Variants in MGAT5B observed in about 807,000 individuals in gnomAD.
MGAT5B encodes the protein N-acetylglucosaminyl-transferase Vb.
A neutral mutation model predicts 95.1 loss-of-function variants in MGAT5B; 54 were observed. The observed-to-expected ratio is 0.57, with a 90% CI of 0.46 to 0.71. The LOEUF is 0.71. Among genes scored for constraint, MGAT5B ranks in the 30% least tolerant of loss-of-function variants. The probability of loss-of-function intolerance (pLI) is 0.00; values close to 1 mark genes in which losing one functional copy is unlikely to be tolerated. For synonymous variants in MGAT5B, 464 were observed against 451.0 expected, an observed-to-expected ratio of 1.03 and a Z score of -0.36; for missense variants, 935 against 1,088.6, an observed-to-expected ratio of 0.86 and a Z score of 1.99.
At position 76,936,903 on chromosome 17, in the gene MGAT5B, T is replaced by C. The variant is rs752047395; in HGVS notation, c.1429-1085T>C. 2.0e-5 allele frequency among the ~76,000 whole-genome samples: 3 copies of C among 152,364 alleles called. No homozygotes were observed. In the East Asian group the frequency reaches 5.8e-4, roughly 29 times the overall value. ...CTGCTAACTGTGTTCTTTTTCAAAG[T>C]TGTTTTGTCTATTCTAGGTTCTTTG... On this transcript the variant is annotated intron_variant, in intron 12 of 17. Transcript: ENST00000569840.
intron 3 of MGAT5B, among the ~76,000 whole-genome samples, chr17:76,899,599 T>G (rs1968231528): frequency 6.6e-6 from 1 of 152,220 alleles, no homozygotes. Context: ...ATTGCGCCAC[T>G]GCACTCCAGC....
rs1967784645 is a variant in MGAT5B at position 76,889,334 on chromosome 17, G to A, written c.329+7036G>A. 6.6e-6 allele frequency among the ~76,000 whole-genome samples: 1 copy of A among 152,128 alleles called. No individual in the cohort carries two copies. Among genetic ancestry groups the A allele is most frequent in the Non-Finnish European group, 1.5e-5 (1 of 68,018 alleles). On this transcript the variant is annotated intron_variant, in intron 3 of 17. Coordinates refer to ENST00000569840, the MANE Select transcript of MGAT5B (RefSeq NM_001199172.2). This position sits in a 1 kb window ranked among gnomAD's most constrained non-coding sequence, Gnocchi z 4.4. The stretch of plus-strand genomic sequence containing the variant: ...AGCCCACGGGAGGTCACTGTGATGG[G>A]TTTGGGCCCACCAAGGGGTGGCTCC...
chr17:76,892,514 C>T (rs1967911015), intron 3 of MGAT5B, among the ~76,000 whole-genome samples: 1 of 152,216 alleles, frequency 6.6e-6, no homozygotes, highest in South Asian at 2.1e-4. Context: ...GGCACTGGCA[C>T]AGAACATTTG....
In MGAT5B at chr17:76,905,391, C is replaced by T; in HGVS notation, c.855+58C>T. 6 of 1,423,696 alleles carry T rather than the reference C, an allele frequency of 4.2e-6. No individual in the cohort carries two copies. Among genetic ancestry groups the T allele is most frequent in the Non-Finnish European group, 4.7e-6 (5 of 1,058,506 alleles). The allele number at this position is 1,423,696 out of a possible 1,614,324, so 88.2% of individuals were successfully genotyped here. Reference sequence around the variant, plus strand: ...CTGAGAAAGCTCAGGGCCCCCACTTCTGAGTGGGCATGGAATAGGTCTTCA... The same window carrying T: ...CTGAGAAAGCTCAGGGCCCCCACTTTTGAGTGGGCATGGAATAGGTCTTCA... On this transcript the variant is annotated intron_variant, in intron 7 of 17. Transcript: ENST00000569840. The surrounding 1 kb of genome is among the most constrained non-coding windows in gnomAD (Gnocchi z 4.2).
chr17:76,914,049 C>T lies in MGAT5B; in HGVS notation c.1025+7862C>T, dbSNP rs565174878. The T allele has an allele frequency of 5.0e-5, 15 of 301,546 alleles. 1 individual carries two copies. Among genetic ancestry groups the T allele is most frequent in the Middle Eastern group, 1.2e-3 (1 of 830 alleles). 18.7% of individuals were successfully genotyped at this position (301,546 alleles called of 1,614,324 possible). A position where few individuals can be genotyped will look rare whatever the true frequency, so the allele number is the denominator to read the frequency against. ...CTGGGAAGTCGAGGCTACAGTCAGC[C>T]GTGATCATGCTACTGCACTCTAGCT... On this transcript the variant is annotated intron_variant, in intron 8 of 17. Transcript: ENST00000569840. This position sits in a 1 kb window ranked among gnomAD's most constrained non-coding sequence, Gnocchi z 5.1.
At chr17:76,884,396 T>G (rs1189725623) in intron 3 of MGAT5B, among the ~76,000 whole-genome samples, 1 of 152,156 alleles carries the variant, frequency 6.6e-6, no homozygotes, top group East Asian at 1.9e-4. Context: ...TATATGTGGT[T>G]TGGTTTTTGT....
chr17:76,892,674 C>T (rs1967917339), intron 3 of MGAT5B, among the ~76,000 whole-genome samples: 1 of 152,258 alleles, frequency 6.6e-6, no homozygotes, highest in Non-Finnish European at 1.5e-5. Flanking sequence ...GGGCAGAGCC[C>T]TGGAGACCCG....
chr17:76,903,953 G>A (rs1243446319), intron 5 of MGAT5B, among the ~76,000 whole-genome samples: 1 of 152,240 alleles, frequency 6.6e-6, no homozygotes, highest in African/African-American at 2.4e-5. Flanking sequence ...GGGGACCAGA[G>A]GGAGAGGGAG....
intron 15 of MGAT5B, among the ~76,000 whole-genome samples, chr17:76,945,355 T>C (rs1286141543): frequency 6.6e-6 from 1 of 152,160 alleles, no homozygotes; most frequent in Non-Finnish European, 1.5e-5. Context: ...AATGGTGCAG[T>C]CTCAGCTCAC....
intron 3 of MGAT5B, among the ~76,000 whole-genome samples, chr17:76,898,050 CTG>C (rs1968163735): frequency 8.6e-6 from 1 of 115,662 alleles, no homozygotes; most frequent in South Asian, 3.0e-4. Flanking sequence ...GAGTGAAACT[CTG>C]TCTCAAAAAA....
rs1396549724 is a variant in MGAT5B at position 76,882,239 on chromosome 17, G to T, written c.270G>T (p.Arg90Ser). 1 of 1,613,582 alleles carries T rather than the reference G, an allele frequency of 6.2e-7. No individual in the cohort carries two copies. The highest frequency in any genetic ancestry group is 8.5e-7 in the Non-Finnish European group (1 of 1,179,958). Residue 90 changes from arginine to serine, a missense_variant, in exon 3 of 18, where the codon AGG becomes AGT. Physicochemically the swap from Arg to Ser is moderately radical, Grantham distance 110. This residue lies in a region of MGAT5B where 243 missense variants were observed against 228.2 expected (regional missense o/e 1.06). Transcript: ENST00000569840. ...LMVKRMDALA[R>S]LENSSELHRA... ...TGAAGCGCATGGACGCACTGGCCAG[G>T]CTGGAGAACAGCAGTGAGCTGCACC... is the stretch of plus-strand genomic sequence containing the variant.
At chr17:76,947,211 G>A (rs1189559774) in intron 16 of MGAT5B, among the ~76,000 whole-genome samples, 1 of 152,228 alleles carries the variant, frequency 6.6e-6, no homozygotes, top group Non-Finnish European at 1.5e-5. Context: ...CAGATAGTAC[G>A]TGACCTCCCT....
In MGAT5B at chr17:76,868,936, C is replaced by A. The variant is rs1288968653; in HGVS notation, c.-94C>A. ...GCTTCGCTCGGACGCGGCTTCGGCC[C>A]GCAGAGGGTTCGTGGCCCGGACGCG... On this transcript the variant is annotated 5_prime_UTR_variant, in exon 1 of 18. Coordinates refer to ENST00000569840, the MANE Select transcript of MGAT5B (RefSeq NM_001199172.2). This position sits in a 1 kb window ranked among gnomAD's most constrained non-coding sequence, Gnocchi z 6.3. The A allele has an allele frequency of 4.7e-6, 6 of 1,286,220 alleles. No homozygotes were observed. Among genetic ancestry groups the A allele is most frequent in the Admixed American group, 1.8e-5 (1 of 54,168 alleles). The allele number at this position is 1,286,220 out of a possible 1,614,324, so 79.7% of individuals were successfully genotyped here.
chr17:76,940,530 C>A lies in MGAT5B; in HGVS notation c.1713C>A (p.Gly571=), dbSNP rs1225450573. The A allele has an allele frequency of 1.2e-6, 2 of 1,612,558 alleles. No individual in the cohort carries two copies. Among genetic ancestry groups the A allele is most frequent in the Non-Finnish European group, 1.7e-6 (2 of 1,179,068 alleles). The part of the protein sequence containing the change: ...HSSLNHEFFR[G]KPTSREVFSQ... ...CCCTCAACCACGAGTTCTTCCGAGGCAAGCCCACCTCCAGAGAGGTGAGTG... is the reference window on the plus strand; with the variant it reads ...CCCTCAACCACGAGTTCTTCCGAGGAAAGCCCACCTCCAGAGAGGTGAGTG... The change falls in exon 14 of 18, where the codon GGC becomes GGA. Residue 571 remains glycine (G), a synonymous_variant. Transcript: ENST00000569840. The surrounding 1 kb of genome is among the most constrained non-coding windows in gnomAD (Gnocchi z 4.3).
intron 2 of MGAT5B, among the ~76,000 whole-genome samples, chr17:76,880,881 T>G (rs1967385754): frequency 6.6e-6 from 1 of 152,166 alleles, no homozygotes; most frequent in African/African-American, 2.4e-5. Flanking sequence ...AGCTCCCGGT[T>G]AAACTACTCA....
Position 76,905,352 on chromosome 17 carries a change from C to A in MGAT5B, c.855+19C>A, listed in dbSNP as rs751525943. Reference sequence around the variant, plus strand: ...GAAGCAGGTGCGTGGCCCCTGCCCCCTCATGTGCAGGAGCTGAGAAAGCTC... The same window carrying A: ...GAAGCAGGTGCGTGGCCCCTGCCCCATCATGTGCAGGAGCTGAGAAAGCTC... On this transcript the variant is annotated intron_variant, in intron 7 of 17. Transcript: ENST00000569840. This position sits in a 1 kb window ranked among gnomAD's most constrained non-coding sequence, Gnocchi z 4.2. 3 of 1,559,828 alleles carry A rather than the reference C, an allele frequency of 1.9e-6. No individual in the cohort carries two copies. The highest frequency in any genetic ancestry group is 2.3e-5 in the East Asian group (1 of 43,824).
In MGAT5B at chr17:76,932,777, T is replaced by C; in HGVS notation, c.1422+2T>C. The C allele has an allele frequency of 1.2e-6, 2 of 1,613,312 alleles. No homozygotes were observed. Among genetic ancestry groups the C allele is most frequent in the Non-Finnish European group, 1.7e-6 (2 of 1,179,758 alleles). ...GGCAAGGAGGCGAGCATCTGGAAGG[T>C]GAGCGCGGCCCCTGCGCGCGGGAAG... On this transcript the variant is annotated splice_donor_variant, in intron 11 of 17. Transcript: ENST00000569840. LOFTEE classifies it high-confidence loss of function.
At chr17:76,904,847 C>T (rs1968461981) in intron 6 of MGAT5B, among the ~76,000 whole-genome samples, 1 of 152,234 alleles carries the variant, frequency 6.6e-6, no homozygotes, top group Non-Finnish European at 1.5e-5. Flanking sequence ...GTGGCCACGT[C>T]TGTCCCCTGC....
intron 2 of MGAT5B, among the ~76,000 whole-genome samples, chr17:76,879,282 G>A (rs965790203): frequency 5.3e-5 from 8 of 152,134 alleles, no homozygotes; most frequent in African/African-American, 1.4e-4. Context: ...GGCCTAAGGC[G>A]CTCCAGGGAA....
Sources: allele counts gnomAD v4.1 joint callset (sites outside exome capture counted in the v4.1 genomes callset), GRCh38; gene constraint gnomAD v4.1.1; regional missense constraint gnomAD v4.1.1; non-coding constraint Gnocchi (gnomAD v3.1); transcripts MANE v1.5; gene names NCBI Gene and HGNC (gene_info 2026-07-23, HGNC 2026-07-21).